NRCAM: variants seen among roughly 807,000 people sequenced by gnomAD.
The protein encoded by NRCAM is NgCAM-related cell adhesion molecule.
NRCAM carries 83 observed loss-of-function variants against 156.5 expected under a neutral mutation model. The ratio of observed to expected loss-of-function variants is 0.53; its 90% CI spans 0.44 to 0.64. The LOEUF (loss-of-function observed/expected upper bound fraction) is 0.64, where lower values mean the gene tolerates loss of function less well. Among genes scored for constraint, NRCAM ranks in the 30% least tolerant of loss-of-function variants. NRCAM has a pLI of 0.00. For synonymous variants in NRCAM, 538 were observed against 563.9 expected (o/e 0.95, Z 0.65); for missense variants, 1,417 against 1,597.3 (o/e 0.89, Z 1.92).
chr7:108,371,782 CTTG>C (rs1227913676), intron 2 of NRCAM, among the ~76,000 whole-genome samples: 1 of 152,012 alleles, frequency 6.6e-6, no homozygotes, highest in African/African-American at 2.4e-5. Context: ...AATATGTTTA[CTTG>C]TTAATATTAC....
intron 2 of NRCAM, among the ~76,000 whole-genome samples, chr7:108,377,860 T>C (rs550987865): frequency 2.0e-5 from 3 of 152,232 alleles, no homozygotes; most frequent in South Asian, 2.1e-4. Flanking sequence ...AAAAGGGAAA[T>C]ATCAGAGGAT....
At chr7:108,298,728 A>C (rs2098507284) in intron 3 of NRCAM, among the ~76,000 whole-genome samples, 1 of 151,840 alleles carries the variant, frequency 6.6e-6, no homozygotes, top group African/African-American at 2.4e-5. Flanking sequence ...TTCCACATGG[A>C]ATTCTTCTGC....
In NRCAM at chr7:108,161,863, C is replaced by G. The variant is rs142917615; in HGVS notation, c.3467-1371G>C. ...TGAAATACAAGTCAAAGGCTGGTAG[C>G]CTTTTCCCAATAGGCCCTCGTGCCT... On this transcript the variant is annotated intron_variant, in intron 30 of 32. Transcript: ENST00000379028. Among the ~76,000 whole-genome samples, 615 of 151,646 alleles carry G rather than the reference C, an allele frequency of 4.1e-3. 3 individuals are homozygous for G. Among genetic ancestry groups the G allele is most frequent in the Non-Finnish European group, 5.8e-3 (397 of 67,982 alleles).
chr7:108,256,983 T>C (rs984516903), intron 3 of NRCAM, among the ~76,000 whole-genome samples: 1 of 122,342 alleles, frequency 8.2e-6, no homozygotes, highest in African/African-American at 3.2e-5. Context: ...AACTCCAGCC[T>C]GGGTGGCAAA....
chr7:108,332,093 T>C (rs1365964449), intron 2 of NRCAM, among the ~76,000 whole-genome samples: 8 of 152,198 alleles, frequency 5.3e-5, no homozygotes, highest in Non-Finnish European at 4.4e-5. Context: ...ACTGCAGATC[T>C]GCATAGTGGA....
intron 3 of NRCAM, among the ~76,000 whole-genome samples, chr7:108,308,294 C>T (rs576383393): frequency 6.6e-6 from 1 of 152,186 alleles, no homozygotes; most frequent in East Asian, 1.9e-4. Flanking sequence ...CGAATCTAGA[C>T]TTATTTCATC....
chr7:108,356,448 T>A (rs750399340), intron 2 of NRCAM, among the ~76,000 whole-genome samples: 2 of 152,210 alleles, frequency 1.3e-5, no homozygotes, highest in Non-Finnish European at 2.9e-5. Context: ...ACTAGAGGTC[T>A]TGGAATGTAT....
chr7:108,337,946 TCGGC>T (rs2099221243), intron 2 of NRCAM, among the ~76,000 whole-genome samples: 1 of 152,140 alleles, frequency 6.6e-6, no homozygotes, highest in Non-Finnish European at 1.5e-5. Context: ...CGGACACCTG[TCGGC>T]CGGTTAAAAA....
chr7:108,437,537 T>C (rs988990563), intron 1 of NRCAM, among the ~76,000 whole-genome samples: 2 of 152,136 alleles, frequency 1.3e-5, no homozygotes, highest in African/African-American at 4.8e-5. Flanking sequence ...AAACATCTCA[T>C]GTACCTCATA....
chr7:108,388,079 T>C (rs538212286), intron 2 of NRCAM, among the ~76,000 whole-genome samples: 6 of 152,332 alleles, frequency 3.9e-5, no homozygotes, highest in South Asian at 2.1e-4. Flanking sequence ...TACCCAGTAA[T>C]GCGATGGCTG....
chr7:108,419,037 C>A (rs886693148), intron 1 of NRCAM, among the ~76,000 whole-genome samples: 2 of 152,128 alleles, frequency 1.3e-5, no homozygotes, highest in Non-Finnish European at 2.9e-5. Context: ...TAGTTTCACA[C>A]ACACACACAA....
At chr7:108,425,823 T>C (rs1481758219) in intron 1 of NRCAM, among the ~76,000 whole-genome samples, 1 of 152,172 alleles carries the variant, frequency 6.6e-6, no homozygotes, top group South Asian at 2.1e-4. Flanking sequence ...TGAACAGAAA[T>C]GGCTGGAGAG....
chr7:108,312,323 T>C (rs900052820), intron 3 of NRCAM, among the ~76,000 whole-genome samples: 8 of 152,202 alleles, frequency 5.3e-5, no homozygotes, highest in Admixed American at 6.5e-5. Context: ...TGATTCCCTA[T>C]AATTTTTAAT....
At chr7:108,213,735 T>C (rs973484794) in intron 11 of NRCAM, among the ~76,000 whole-genome samples, 2 of 152,152 alleles carry the variant, frequency 1.3e-5, no homozygotes, top group African/African-American at 4.8e-5. Flanking sequence ...CCTAAACATA[T>C]ATACACCTAA....
At chr7:108,212,206 A>G (rs1054757926) in intron 11 of NRCAM, among the ~76,000 whole-genome samples, 6 of 152,228 alleles carry the variant, frequency 3.9e-5, no homozygotes, top group African/African-American at 1.4e-4. Context: ...AGAGTACTAC[A>G]TCAAGGGAAA....
At chr7:108,427,769 A>C (rs1819239266) in intron 1 of NRCAM, among the ~76,000 whole-genome samples, 1 of 152,208 alleles carries the variant, frequency 6.6e-6, no homozygotes, top group Admixed American at 6.5e-5. Context: ...ATTGGCTGGC[A>C]AACAAAAGTG....
chr7:108,185,166 T>G (rs2065921005), intron 20 of NRCAM, among the ~76,000 whole-genome samples: 1 of 152,162 alleles, frequency 6.6e-6, no homozygotes, highest in African/African-American at 2.4e-5. Flanking sequence ...AAGCATTCTC[T>G]GACTTTGTAG....
intron 3 of NRCAM, among the ~76,000 whole-genome samples, chr7:108,282,675 A>G (rs1341446816): frequency 2.0e-5 from 3 of 152,048 alleles, no homozygotes; most frequent in Non-Finnish European, 4.4e-5. Context: ...GAGCTCTGTC[A>G]GTCATCCTTT....
chr7:108,451,634 A>C (rs1850538184), intron 1 of NRCAM, among the ~76,000 whole-genome samples: 2 of 152,258 alleles, frequency 1.3e-5, no homozygotes, highest in African/African-American at 4.8e-5. Flanking sequence ...CAAAGGAAGG[A>C]AATTCTGACA....
Sources: gnomAD v4.1 joint callset for allele counts (sites outside exome capture counted in the v4.1 genomes callset) on GRCh38, gnomAD v4.1.1 for gene constraint, MANE v1.5 for transcripts, NCBI Gene and HGNC (gene_info 2026-07-23, HGNC 2026-07-21) for gene names.